Variants in MELK observed in about 807,000 individuals in gnomAD.
The protein encoded by MELK is pEg3 kinase.
A neutral mutation model predicts 85.0 loss-of-function variants in MELK; 81 were observed. The ratio of observed to expected loss-of-function variants is 0.95; its 90% CI spans 0.80 to 1.15. MELK has a LOEUF of 1.15. Among genes scored for constraint, MELK ranks in the 50% most tolerant of loss-of-function variants. The pLI, the probability that MELK is intolerant of heterozygous loss-of-function variation, is 0.00. For missense variants in MELK, 754 were observed against 777.5 expected (o/e 0.97, Z 0.36); for synonymous variants, 252 against 265.0 (o/e 0.95, Z 0.48).
rs1829220194 is a variant in MELK, at chr9:36,636,782, T to TCTGTCTGTCTG, written c.834+3582_834+3583insCTGTCTGTCTG. On this transcript the variant is annotated intron_variant, in intron 10 of 17. Transcript: ENST00000298048. ...TTTCTTTCTTTCTTTCTTTCTTTCT[T>TCTGTCTGTCTG]TCTGTCTGTCTTTCTTTCTTTCTGT... Among the ~76,000 whole-genome samples, 85 of 107,662 alleles carry TCTGTCTGTCTG rather than the reference T, an allele frequency of 7.9e-4. 1 individual carries two copies. In the Middle Eastern group the frequency reaches 0.013, roughly 16 times the overall value. The allele number at this position is 107,662 out of a possible 152,430, so 70.6% of individuals were successfully genotyped here.
intron 8 of MELK, among the ~76,000 whole-genome samples, chr9:36,629,079 A>G (rs1828252267): frequency 6.6e-6 from 1 of 151,624 alleles, no homozygotes; most frequent in South Asian, 2.1e-4. Context: ...GTCAGCCAGG[A>G]TGGTCTTGAA....
chr9:36,657,943 A>C (rs1831417931), intron 13 of MELK, among the ~76,000 whole-genome samples: 2 of 152,196 alleles, frequency 1.3e-5, no homozygotes, highest in South Asian at 4.1e-4. Context: ...AAATAGGTAA[A>C]GTCACCTTTT....
chr9:36,668,133 C>T (rs1832556818), intron 14 of MELK, among the ~76,000 whole-genome samples: 1 of 152,162 alleles, frequency 6.6e-6, no homozygotes, highest in Non-Finnish European at 1.5e-5. Context: ...TTCGTCACTC[C>T]TACACAATGC....
At chr9:36,622,839 A>C (rs1827572412) in intron 8 of MELK, among the ~76,000 whole-genome samples, 1 of 152,230 alleles carries the variant, frequency 6.6e-6, no homozygotes, top group Admixed American at 6.5e-5. Flanking sequence ...ATTTCAAGCC[A>C]CTGGAATTCC....
intron 1 of MELK, among the ~76,000 whole-genome samples, chr9:36,574,345 G>A (rs567007692): frequency 1.8e-4 from 28 of 151,826 alleles, no homozygotes; most frequent in African/African-American, 6.8e-4. Context: ...AGCACTTGGG[G>A]AGGCCGAGGT....
chr9:36,600,352 T>C (rs1824789145), intron 7 of MELK, among the ~76,000 whole-genome samples: 1 of 151,606 alleles, frequency 6.6e-6, no homozygotes, highest in African/African-American at 2.4e-5. Flanking sequence ...AGCCTCCCAA[T>C]TATAGGCATG....
intron 11 of MELK, among the ~76,000 whole-genome samples, chr9:36,646,431 A>G (rs1288622302): frequency 6.6e-6 from 1 of 152,222 alleles, no homozygotes; most frequent in African/African-American, 2.4e-5. Flanking sequence ...ACTCTCAAAC[A>G]TTCAACTTAT....
chr9:36,617,268 T>G (rs1276590404), intron 8 of MELK, among the ~76,000 whole-genome samples: 3 of 152,192 alleles, frequency 2.0e-5, no homozygotes, highest in African/African-American at 7.2e-5. Flanking sequence ...TGTTTAAGAC[T>G]TATTTTTGCT....
At chr9:36,645,750 A>G (rs1830163572) in intron 11 of MELK, among the ~76,000 whole-genome samples, 1 of 152,140 alleles carries the variant, frequency 6.6e-6, no homozygotes, top group Non-Finnish European at 1.5e-5. Context: ...ATTTTTAGAA[A>G]TCTTCCCAGC....
At chr9:36,617,506 T>C (rs79361395) in intron 8 of MELK, among the ~76,000 whole-genome samples, 2,709 of 152,152 alleles carry the variant, frequency 0.018, 75 homozygotes, top group African/African-American at 0.059. Context: ...CTAATATTTT[T>C]TGTAGAGATA....
intron 9 of MELK, among the ~76,000 whole-genome samples, chr9:36,631,347 T>C (rs1018141795): frequency 4.0e-5 from 6 of 151,756 alleles, no homozygotes; most frequent in Admixed American, 3.9e-4. Context: ...AACCTCCGCT[T>C]CCTGGGTTCC....
chr9:36,673,106 A>G (rs905451750), intron 16 of MELK, among the ~76,000 whole-genome samples: 2 of 152,236 alleles, frequency 1.3e-5, no homozygotes, highest in African/African-American at 4.8e-5. Context: ...CAGTCTATAA[A>G]AAATCCAAAA....
intron 7 of MELK, 74 bp downstream of exon 7, chr9:36,599,560 T>C: frequency 9.4e-7 from 1 of 1,066,904 alleles, no homozygotes; most frequent in Non-Finnish European, 1.4e-6. Flanking sequence ...AGTCAGGCAC[T>C]GTGCGTTGGG....
chr9:36,624,856 A>G (rs1827786750), intron 8 of MELK, among the ~76,000 whole-genome samples: 1 of 152,104 alleles, frequency 6.6e-6, no homozygotes, highest in African/African-American at 2.4e-5. Context: ...AGATCTGGTT[A>G]TGGGCCTGTT....
At chr9:36,627,605 C>A (rs141224978) in intron 8 of MELK, among the ~76,000 whole-genome samples, 427 of 149,794 alleles carry the variant, frequency 2.9e-3, no homozygotes, top group Middle Eastern at 0.017. Flanking sequence ...CGGCTCACTG[C>A]AACCTCTGCC....
intron 8 of MELK, among the ~76,000 whole-genome samples, chr9:36,613,656 G>A (rs1826260622): frequency 6.6e-6 from 1 of 152,116 alleles, no homozygotes; most frequent in South Asian, 2.1e-4. Flanking sequence ...GAGGCGAGAT[G>A]TAAGGAGACT....
chr9:36,628,781 G>GTTGGCT (rs1828191498), intron 8 of MELK, among the ~76,000 whole-genome samples: 1 of 151,170 alleles, frequency 6.6e-6, no homozygotes, highest in Admixed American at 6.6e-5. Flanking sequence ...CTTTATAGTT[G>GTTGGCT]TTGGCTTTGC....
intron 7 of MELK, among the ~76,000 whole-genome samples, chr9:36,606,474 TATACATATGTATAGGTGTGTATATAATAA>T (rs1825521189): frequency 1.4e-5 from 2 of 141,638 alleles, no homozygotes; most frequent in South Asian, 2.1e-4. Flanking sequence ...TGTGTATATA[TATACATATGTATAGGTGTGTATATAATAA>T]ATACATATGT....
chr9:36,634,206 G>A (rs1265415498), intron 10 of MELK, among the ~76,000 whole-genome samples: 2 of 152,182 alleles, frequency 1.3e-5, no homozygotes, highest in East Asian at 3.8e-4. Flanking sequence ...CTATTGGAAA[G>A]CACTCAAGAT....
Sources: gnomAD v4.1 joint callset for allele counts (sites outside exome capture counted in the v4.1 genomes callset) on GRCh38, gnomAD v4.1.1 for gene constraint, MANE v1.5 for transcripts, NCBI Gene and HGNC (gene_info 2026-07-23, HGNC 2026-07-21) for gene names.